Variants in ZNF536 observed in about 807,000 individuals in gnomAD.
ZNF536 encodes the protein zinc finger protein 536.
In ZNF536, 13 loss-of-function variants were observed where a neutral mutation model predicts 84.5. That is an observed-to-expected ratio of 0.15 (90% confidence interval 0.10 to 0.24). ZNF536 has a LOEUF of 0.24. Among genes scored for constraint, ZNF536 ranks in the 10% least tolerant of loss-of-function variants. The pLI, the probability that ZNF536 is intolerant of heterozygous loss-of-function variation, is 1.00. For missense variants in ZNF536, 1,536 were observed against 1,747.5 expected, an observed-to-expected ratio of 0.88 and a Z score of 2.16; for synonymous variants, 811 against 742.5, an observed-to-expected ratio of 1.09 and a Z score of -1.50.
At chr19:30,437,376 G>C (rs2051799216) in intron 1 of ZNF536, among the ~76,000 whole-genome samples, 1 of 152,144 alleles carries the variant, frequency 6.6e-6, no homozygotes, top group Non-Finnish European at 1.5e-5. Context: ...ATAACCATTA[G>C]CACCATCAAA....
chr19:30,383,773 T>TTC (rs1312070310), intron 1 of ZNF536, among the ~76,000 whole-genome samples: 4 of 65,150 alleles, frequency 6.1e-5, no homozygotes, highest in East Asian at 3.4e-4. Flanking sequence ...CTTTCTTTCT[T>TTC]TTCTTTCTTT....
At chr19:30,428,441 C>A (rs1184390255) in intron 1 of ZNF536, among the ~76,000 whole-genome samples, 1 of 152,214 alleles carries the variant, frequency 6.6e-6, no homozygotes, top group African/African-American at 2.4e-5. Flanking sequence ...ATACTGTACA[C>A]CTTCTTGAAG....
intron 1 of ZNF536, among the ~76,000 whole-genome samples, chr19:30,593,339 A>G (rs2047338796): frequency 6.6e-6 from 1 of 152,122 alleles, no homozygotes; most frequent in Non-Finnish European, 1.5e-5. Context: ...CAGGGTCTTC[A>G]CTAAGAGGCC....
At chr19:30,712,384 A>C (rs2052479260) in exon 2 of ZNF536, 1 of 152,100 alleles carries the variant, frequency 6.6e-6, no homozygotes, top group African/African-American at 2.4e-5. Flanking sequence ...GTGGTAGAGA[A>C]GTATGAAAGT....
chr19:30,334,629 A>G (rs1347639245), intron 2 of ZNF536, among the ~76,000 whole-genome samples: 2 of 152,176 alleles, frequency 1.3e-5, no homozygotes, highest in Non-Finnish European at 2.9e-5. Flanking sequence ...CAAATACATA[A>G]GGACTGTGAT....
intron 1 of ZNF536, among the ~76,000 whole-genome samples, chr19:30,694,400 C>T (rs577916060): frequency 5.4e-4 from 82 of 152,334 alleles, no homozygotes; most frequent in African/African-American, 1.8e-3. Context: ...AAGCCTCACC[C>T]AGTCTCCCTG....
chr19:30,658,128 T>C (rs2147534433), intron 1 of ZNF536, among the ~76,000 whole-genome samples: 1 of 151,806 alleles, frequency 6.6e-6, no homozygotes, highest in South Asian at 2.1e-4. Context: ...GTTCAAGCGA[T>C]TCTCCTGCCT....
chr19:30,242,455 G>A (rs1051354119), intron 1 of ZNF536, among the ~76,000 whole-genome samples: 1 of 152,142 alleles, frequency 6.6e-6, no homozygotes, highest in Non-Finnish European at 1.5e-5. Flanking sequence ...CTAAAGGGTG[G>A]GAGGGTCCAT....
At chr19:30,320,669 C>A (rs995320808) in intron 2 of ZNF536, among the ~76,000 whole-genome samples, 2 of 152,028 alleles carry the variant, frequency 1.3e-5, no homozygotes, top group African/African-American at 4.8e-5. Context: ...GTGGAGCGTA[C>A]GTGGTATTTG....
intron 2 of ZNF536, among the ~76,000 whole-genome samples, chr19:30,314,890 A>C (rs947123987): frequency 2.6e-5 from 4 of 152,030 alleles, no homozygotes; most frequent in African/African-American, 4.8e-5. Flanking sequence ...CAGGGTACCC[A>C]GCCCCGATCC....
chr19:30,614,693 G>A (rs2048219843), intron 1 of ZNF536, among the ~76,000 whole-genome samples: 1 of 151,406 alleles, frequency 6.6e-6, no homozygotes, highest in South Asian at 2.1e-4. Context: ...CCTATTGAAT[G>A]ATTTGTATCT....
chr19:30,326,847 C>T (rs1165996242), intron 2 of ZNF536, among the ~76,000 whole-genome samples: 2 of 121,640 alleles, frequency 1.6e-5, no homozygotes, highest in Non-Finnish European at 3.2e-5. Context: ...GTAGCCCATG[C>T]CTGTAATCCC....
intron 1 of ZNF536, among the ~76,000 whole-genome samples, chr19:30,655,553 C>A (rs918184664): frequency 3.9e-5 from 6 of 152,106 alleles, no homozygotes; most frequent in African/African-American, 1.2e-4. Flanking sequence ...TGGAGCTAAA[C>A]CATGCAAGCT....
chr19:30,451,260 G>A (rs547254951), intron 2 of ZNF536, among the ~76,000 whole-genome samples: 4 of 152,252 alleles, frequency 2.6e-5, no homozygotes, highest in Admixed American at 6.5e-5. Flanking sequence ...CGCCCTGCTC[G>A]TGCCGGGATC....
At position 30,458,633 on chromosome 19, in the gene ZNF536, G is replaced by A. The variant is rs528373457; in HGVS notation, c.2170+12901G>A. 5.3e-5 allele frequency among the ~76,000 whole-genome samples: 8 copies of A among 151,762 alleles called. No individual in the cohort carries two copies. In the South Asian group the frequency reaches 1.7e-3, roughly 32 times the overall value. ...ACACCAGGCTAATTTTGTATTTTTA[G>A]TAAAGATAGGGTTTCTCCATGTTGG... is the stretch of plus-strand genomic sequence containing the variant. On this transcript the variant is annotated intron_variant, in intron 2 of 4. Coordinates refer to ENST00000355537, the MANE Select transcript of ZNF536 (RefSeq NM_014717.3).
intron 2 of ZNF536, among the ~76,000 whole-genome samples, chr19:30,503,818 T>C (rs576463123): frequency 1.3e-5 from 2 of 152,270 alleles, no homozygotes; most frequent in East Asian, 3.9e-4. Context: ...TTCCCCTCTT[T>C]GCAGGCCACC....
At chr19:30,275,079 T>C (rs1422275242) in intron 1 of ZNF536, among the ~76,000 whole-genome samples, 2 of 152,116 alleles carry the variant, frequency 1.3e-5, no homozygotes, top group Non-Finnish European at 2.9e-5. Context: ...TCTTCATCCT[T>C]GTGGATGGGG....
chr19:30,248,520 A>G (rs1475108146), intron 1 of ZNF536, among the ~76,000 whole-genome samples: 6 of 151,684 alleles, frequency 4.0e-5, no homozygotes, highest in Non-Finnish European at 7.4e-5. Context: ...CTGAGATTGC[A>G]GGGGTGAGCC....
chr19:30,359,478 G>A (rs1393118321), intron 3 of ZNF536, among the ~76,000 whole-genome samples: 2 of 152,228 alleles, frequency 1.3e-5, no homozygotes, highest in African/African-American at 2.4e-5. Flanking sequence ...CTGACTGCAT[G>A]GGGTAAGGCC....
Sources: allele counts gnomAD v4.1 joint callset (sites outside exome capture counted in the v4.1 genomes callset), GRCh38; gene constraint gnomAD v4.1.1; transcripts MANE v1.5; gene names NCBI Gene and HGNC (gene_info 2026-07-23, HGNC 2026-07-21).